The following KCNAB1 variants were observed in gnomAD, a reference collection of about 807,000 sequenced individuals.
KCNAB1 encodes potassium voltage-gated channel subfamily A regulatory beta subunit 1.
A neutral mutation model predicts 64.6 loss-of-function variants in KCNAB1; 35 were observed. The observed-to-expected ratio is 0.54, with a 90% CI of 0.41 to 0.72. The LOEUF (loss-of-function observed/expected upper bound fraction) is 0.72, where lower values mean the gene tolerates loss of function less well. Ranked by LOEUF, KCNAB1 falls within the 30% of genes least tolerant of loss-of-function variation. The probability of loss-of-function intolerance (pLI) is 0.00; values close to 1 mark genes in which losing one functional copy is unlikely to be tolerated. For synonymous variants in KCNAB1, 177 were observed against 183.8 expected (o/e 0.96, Z 0.30); for missense variants, 401 against 512.9 (o/e 0.78, Z 2.11).
rs141472855 is a variant in KCNAB1, at chr3:156,372,168, C to G, written c.276-49448C>G. Among the ~76,000 whole-genome samples the G allele has an allele frequency of 1.7e-4, 26 of 152,224 alleles. No individual in the cohort carries two copies. In the East Asian group the frequency reaches 5.0e-3, roughly 29 times the overall value. ...AGATTGGATACAACATACTGTGCAA[C>G]ACAGAAGCAAATTAGGCAGAGAGGA... On this transcript the variant is annotated intron_variant, in intron 1 of 13. Coordinates refer to ENST00000490337, the MANE Select transcript of KCNAB1 (RefSeq NM_172160.3).
intron 1 of KCNAB1, among the ~76,000 whole-genome samples, chr3:156,250,440 T>C (rs1344469759): frequency 6.6e-6 from 1 of 152,224 alleles, no homozygotes; most frequent in African/African-American, 2.4e-5. Flanking sequence ...TTGTGTGCCA[T>C]ATGGTCCTTT....
At chr3:156,214,050 G>A (rs1715167535) in intron 1 of KCNAB1, among the ~76,000 whole-genome samples, 1 of 152,194 alleles carries the variant, frequency 6.6e-6, no homozygotes, top group Non-Finnish European at 1.5e-5. Flanking sequence ...ACATATCCAT[G>A]TGCCAGAAGG....
intron 8 of KCNAB1, among the ~76,000 whole-genome samples, chr3:156,506,700 CT>C (rs1382766593): frequency 3.9e-5 from 6 of 152,304 alleles, no homozygotes; most frequent in African/African-American, 1.2e-4. Context: ...CCTTTCTAGT[CT>C]CTTGAATCTG....
rs781029551 is a variant in KCNAB1 at position 156,538,375 on chromosome 3, T to G, written c.*1628T>G. ...TAAATCTGAAAATGCTAGTGGGAGA[T>G]ATCAAGAAATTTTCTTTTTGATTAC... On this transcript the variant is annotated 3_prime_UTR_variant, in exon 14 of 14. Transcript: ENST00000490337. 1 of 152,242 alleles carries G rather than the reference T, an allele frequency of 6.6e-6. No individual in the cohort carries two copies. Among genetic ancestry groups the G allele is most frequent in the South Asian group, 2.1e-4 (1 of 4,838 alleles). The allele number at this position is 152,242 out of a possible 1,614,324, so 9.4% of individuals were successfully genotyped here. A position where few individuals can be genotyped will look rare whatever the true frequency, so the allele number is the denominator to read the frequency against.
At chr3:156,462,447 T>G (rs1324695352) in intron 5 of KCNAB1, among the ~76,000 whole-genome samples, 1 of 152,224 alleles carries the variant, frequency 6.6e-6, no homozygotes, top group Non-Finnish European at 1.5e-5. Context: ...TTATAATAGG[T>G]ATCATGAGGT....
At chr3:156,297,181 C>A (rs1720842930) in intron 1 of KCNAB1, among the ~76,000 whole-genome samples, 1 of 151,174 alleles carries the variant, frequency 6.6e-6, no homozygotes, top group Non-Finnish European at 1.5e-5. Flanking sequence ...CTTGGGTAAC[C>A]ATTAATCTTC....
In KCNAB1 at chr3:156,374,509, G is replaced by C. The variant is rs777910383; in HGVS notation, c.276-47107G>C. Among the ~76,000 whole-genome samples, 63 of 135,130 alleles carry C rather than the reference G, an allele frequency of 4.7e-4. 9 individuals are homozygous for C. Among genetic ancestry groups the C allele is most frequent in the Non-Finnish European group, 1.5e-4 (10 of 64,904 alleles). The allele number at this position is 135,130 out of a possible 152,430, so 88.7% of individuals were successfully genotyped here. On this transcript the variant is annotated intron_variant, in intron 1 of 13. Coordinates refer to ENST00000490337, the MANE Select transcript of KCNAB1 (RefSeq NM_172160.3). Reference sequence around the variant, plus strand: ...ATTTGTCAAACATTATTTTTTAGAAGGTACACCAATATTGAGGCTTAATTC... The same window carrying C: ...ATTTGTCAAACATTATTTTTTAGAACGTACACCAATATTGAGGCTTAATTC...
At chr3:156,179,475 C>A (rs939625675) in intron 1 of KCNAB1, among the ~76,000 whole-genome samples, 1 of 114,120 alleles carries the variant, frequency 8.8e-6, no homozygotes, top group African/African-American at 3.4e-5. Flanking sequence ...TGGCTAATTG[C>A]TCGTTATTTC....
In KCNAB1 at chr3:156,508,750, G is replaced by T. The variant is rs993673968; in HGVS notation, c.659-5614G>T. Among the ~76,000 whole-genome samples, 1 of 152,138 alleles carries T rather than the reference G, an allele frequency of 6.6e-6. No individual in the cohort carries two copies. The highest frequency in any genetic ancestry group is 2.4e-5 in the African/African-American group (1 of 41,410). Reference sequence around the variant, plus strand: ...TTACAGAAGGAAATTGAGTACTCAGGGAAACAAAGTGGACCTGCAGCATTT... The same window carrying T: ...TTACAGAAGGAAATTGAGTACTCAGTGAAACAAAGTGGACCTGCAGCATTT... On this transcript the variant is annotated intron_variant, in intron 8 of 13. Coordinates refer to ENST00000490337, the MANE Select transcript of KCNAB1 (RefSeq NM_172160.3). This position sits in a 1 kb window ranked among gnomAD's most constrained non-coding sequence, Gnocchi z 4.1.
intron 1 of KCNAB1, among the ~76,000 whole-genome samples, chr3:156,307,084 T>C (rs941662758): frequency 6.6e-6 from 1 of 152,216 alleles, no homozygotes; most frequent in Non-Finnish European, 1.5e-5. Context: ...TATTAACATG[T>C]CATATGTCTT....
intron 1 of KCNAB1, among the ~76,000 whole-genome samples, chr3:156,258,977 G>T (rs923067410): frequency 1.3e-5 from 2 of 152,216 alleles, no homozygotes; most frequent in Non-Finnish European, 2.9e-5. Context: ...GAACGATTCG[G>T]CTTCCAATTG....
chr3:156,398,590 C>CAA (rs767338912), intron 1 of KCNAB1, among the ~76,000 whole-genome samples: 5,107 of 76,630 alleles, frequency 0.067, 497 homozygotes, highest in African/African-American at 0.19. Flanking sequence ...GACTCCGTCT[C>CAA]AAAAAAAAAA....
At chr3:156,504,960 T>C (rs1716733459) in intron 8 of KCNAB1, among the ~76,000 whole-genome samples, 1 of 152,166 alleles carries the variant, frequency 6.6e-6, no homozygotes, top group African/African-American at 2.4e-5. Context: ...TTTTGAGGTC[T>C]TTCCCATAAA....
intron 1 of KCNAB1, among the ~76,000 whole-genome samples, chr3:156,247,762 G>A (rs1007066702): frequency 6.6e-6 from 1 of 151,996 alleles, no homozygotes; most frequent in Admixed American, 6.6e-5. Context: ...GACAGGGTTC[G>A]CCATGTTGCC....
intron 1 of KCNAB1, among the ~76,000 whole-genome samples, chr3:156,377,177 G>A (rs549465316): frequency 1.3e-5 from 2 of 152,084 alleles, no homozygotes; most frequent in Non-Finnish European, 2.9e-5. Context: ...CAAAGACATG[G>A]AGATGCTCAG....
intron 2 of KCNAB1, among the ~76,000 whole-genome samples, chr3:156,442,065 T>C (rs78706328): frequency 0.049 from 7,406 of 152,284 alleles, 351 homozygotes; most frequent in South Asian, 0.21. Context: ...TAAAGACTTT[T>C]TGGCTTTATT....
intron 1 of KCNAB1, among the ~76,000 whole-genome samples, chr3:156,137,628 C>T (rs773530938): frequency 4.6e-5 from 7 of 151,844 alleles, no homozygotes; most frequent in African/African-American, 7.3e-5. Flanking sequence ...ACCACAACCC[C>T]CGCCCCCACC....
intron 1 of KCNAB1, among the ~76,000 whole-genome samples, chr3:156,245,573 T>C (rs1654195944): frequency 6.6e-6 from 1 of 152,204 alleles, no homozygotes; most frequent in Admixed American, 6.5e-5. Context: ...ATTATATATG[T>C]ATATATTTAA....
intron 8 of KCNAB1, among the ~76,000 whole-genome samples, chr3:156,505,500 C>T (rs1418716483): frequency 2.6e-5 from 4 of 152,206 alleles, no homozygotes; most frequent in African/African-American, 9.6e-5. Flanking sequence ...GTAGTATAGT[C>T]GTTTTAACAG....
Sources: allele counts gnomAD v4.1 joint callset (sites outside exome capture counted in the v4.1 genomes callset), GRCh38; gene constraint gnomAD v4.1.1; non-coding constraint Gnocchi (gnomAD v3.1); transcripts MANE v1.5; gene names NCBI Gene and HGNC (gene_info 2026-07-23, HGNC 2026-07-21).